ASZ1: variants seen among roughly 807,000 people sequenced by gnomAD.
ASZ1 encodes ankyrin repeat, SAM and basic leucine zipper domain containing 1.
In ASZ1, 67 loss-of-function variants were observed where a neutral mutation model predicts 61.8. The observed-to-expected ratio is 1.08, with a 90% CI of 0.89 to 1.33. The LOEUF (loss-of-function observed/expected upper bound fraction) is 1.33. Ranked by LOEUF, ASZ1 falls within the 40% of genes most tolerant of loss-of-function variation. The pLI is 0.00. For synonymous variants in ASZ1, 193 were observed against 192.7 expected, an observed-to-expected ratio of 1.00 and a Z score of -0.01; for missense variants, 577 against 554.5, an observed-to-expected ratio of 1.04 and a Z score of -0.41.
At chr7:117,385,041 G>A (rs6953663) in intron 5 of ASZ1, among the ~76,000 whole-genome samples, 181 bp from the exon 6 acceptor site, 3,460 of 152,182 alleles carry the variant, frequency 0.023, 129 homozygotes, top group African/African-American at 0.079. Context: ...TAATTGCAAA[G>A]CTGACTGCAA....
At chr7:117,412,607 C>T (rs552796578) in intron 4 of ASZ1, among the ~76,000 whole-genome samples, 13 of 151,912 alleles carry the variant, frequency 8.6e-5, no homozygotes, top group Non-Finnish European at 1.3e-4. Flanking sequence ...ACAATGACTA[C>T]GTCAAAACCT....
At chr7:117,415,737 T>C (rs933405628) in intron 4 of ASZ1, among the ~76,000 whole-genome samples, 1 of 151,646 alleles carries the variant, frequency 6.6e-6, no homozygotes, top group African/African-American at 2.4e-5. Context: ...AATTAAAGAA[T>C]GAAAACTGAA....
chr7:117,422,602 T>C (rs1309898300), intron 2 of ASZ1, among the ~76,000 whole-genome samples: 1 of 152,236 alleles, frequency 6.6e-6, no homozygotes, highest in Admixed American at 6.5e-5. Context: ...TTTTATCATA[T>C]ATGTAACTGA....
At chr7:117,382,947 C>T in intron 7 of ASZ1, 39 bp downstream of exon 7, 1 of 1,474,952 alleles carries the variant, frequency 6.8e-7, no homozygotes, top group Non-Finnish European at 9.0e-7. Context: ...ACAAATTTTA[C>T]TTATAGGTAT....
intron 4 of ASZ1, among the ~76,000 whole-genome samples, chr7:117,417,929 G>A (rs1226471547): frequency 2.0e-5 from 3 of 152,166 alleles, no homozygotes; most frequent in South Asian, 2.1e-4. Context: ...GCCTTATAGT[G>A]TCATTGCCTT....
In ASZ1 at chr7:117,385,710, C is replaced by A. The variant is rs770212168; in HGVS notation, c.540G>T (p.Glu180Asp). The A allele has an allele frequency of 1.7e-5, 27 of 1,604,984 alleles. No homozygotes were observed. In the East Asian group the frequency reaches 4.7e-4, roughly 28 times the overall value. Reference protein sequence around the residue: ...AHGAEVNTQDENGYTALTWAA... With the variant: ...AHGAEVNTQDDNGYTALTWAA... ...AAATGTTTCTCACAGTGTAACCATTCTCATCCTGGGTATTAACTTCTGCTC... is the reference window on the plus strand; with the variant it reads ...AAATGTTTCTCACAGTGTAACCATTATCATCCTGGGTATTAACTTCTGCTC... The change falls in exon 5 of 13, where the codon GAG becomes GAT. Residue 180 changes from glutamate (E) to aspartate (D), a missense_variant. Coordinates refer to ENST00000284629, the MANE Select transcript of ASZ1 (RefSeq NM_130768.3).
intron 4 of ASZ1, among the ~76,000 whole-genome samples, chr7:117,390,695 T>G (rs528998324): frequency 6.6e-6 from 1 of 152,184 alleles, no homozygotes; most frequent in African/African-American, 2.4e-5. Flanking sequence ...ACCAACATGT[T>G]ATTTTTTGAC....
chr7:117,426,488 C>CAAAAAAAAAA (rs10625452), intron 2 of ASZ1, among the ~76,000 whole-genome samples: 23 of 33,998 alleles, frequency 6.8e-4, no homozygotes, highest in Admixed American at 1.2e-3. Context: ...GATAACATCT[C>CAAAAAAAAAA]AAAAAAAAAA....
At chr7:117,399,747 T>C (rs1442555967) in intron 4 of ASZ1, among the ~76,000 whole-genome samples, 2 of 152,118 alleles carry the variant, frequency 1.3e-5, no homozygotes, top group African/African-American at 4.8e-5. Context: ...TTAAGTTTCT[T>C]TGGGGAATGA....
chr7:117,401,883 G>A (rs1796688691), intron 4 of ASZ1, among the ~76,000 whole-genome samples: 2 of 151,990 alleles, frequency 1.3e-5, no homozygotes, highest in South Asian at 4.2e-4. Flanking sequence ...TAGACCATAC[G>A]GCCGTTCTTA....
intron 4 of ASZ1, among the ~76,000 whole-genome samples, chr7:117,394,259 C>T (rs546510968): frequency 6.6e-6 from 1 of 152,224 alleles, no homozygotes; most frequent in South Asian, 2.1e-4. Context: ...TATGCACCAC[C>T]ATGCCTGGCT....
intron 4 of ASZ1, among the ~76,000 whole-genome samples, chr7:117,403,481 A>T (rs1796718553): frequency 6.6e-6 from 1 of 152,018 alleles, no homozygotes; most frequent in Non-Finnish European, 1.5e-5. Context: ...TGTTACCGTG[A>T]TTATGTTTTG....
At position 117,391,792 on chromosome 7, in the gene ASZ1, AT is replaced by A. The variant is rs1006245841; in HGVS notation, c.441-5984del. On this transcript the variant is annotated intron_variant, in intron 4 of 12. Transcript: ENST00000284629. Reference sequence around the variant, plus strand: ...TGTTCAGGTTCTTTTTTGGTTTCATATTTTTTTTTCTTATTTTTTGAGACAG... The same window carrying A: ...TGTTCAGGTTCTTTTTTGGTTTCATATTTTTTTTCTTATTTTTTGAGACAG... Among the ~76,000 whole-genome samples, 923 of 150,020 alleles carry A rather than the reference AT, an allele frequency of 6.2e-3. 11 individuals carry two copies. The highest frequency in any genetic ancestry group is 0.022 in the African/African-American group (886 of 40,856).
At chr7:117,406,429 A>T (rs1044125941) in intron 4 of ASZ1, among the ~76,000 whole-genome samples, 1 of 152,166 alleles carries the variant, frequency 6.6e-6, no homozygotes, top group African/African-American at 2.4e-5. Flanking sequence ...TGGTAATAAT[A>T]ACATAATTGA....
At chr7:117,406,456 C>T (rs1172491736) in intron 4 of ASZ1, among the ~76,000 whole-genome samples, 1 of 152,012 alleles carries the variant, frequency 6.6e-6, no homozygotes, top group Non-Finnish European at 1.5e-5. Flanking sequence ...TACTAAAATG[C>T]TAATAATAAA....
chr7:117,372,249 TC>T (rs749147699), intron 10 of ASZ1, among the ~76,000 whole-genome samples: 29 of 152,158 alleles, frequency 1.9e-4, no homozygotes, highest in Admixed American at 5.2e-4. Context: ...CTAGTACCAG[TC>T]CCCCGATCCC....
chr7:117,425,296 C>T (rs13233771), intron 2 of ASZ1, among the ~76,000 whole-genome samples: 1,605 of 108,604 alleles, frequency 0.015, 16 homozygotes, highest in Non-Finnish European at 0.02. Context: ...GACGGAGTCT[C>T]GCTTTGTCGC....
intron 1 of ASZ1, 99 bp downstream of exon 1, chr7:117,427,257 C>G (rs1440691368): frequency 7.7e-7 from 1 of 1,303,232 alleles, no homozygotes; most frequent in African/African-American, 1.5e-5. Flanking sequence ...AAGGGAAATA[C>G]ACGTGAGGGA....
chr7:117,412,241 A>G (rs576237970), intron 4 of ASZ1, among the ~76,000 whole-genome samples: 2 of 151,880 alleles, frequency 1.3e-5, no homozygotes, highest in African/African-American at 4.8e-5. Flanking sequence ...TATTATTTTA[A>G]TATCTTATGA....
Sources: gnomAD v4.1 joint callset for allele counts (sites outside exome capture counted in the v4.1 genomes callset) on GRCh38, gnomAD v4.1.1 for gene constraint, MANE v1.5 for transcripts, NCBI Gene and HGNC (gene_info 2026-07-23, HGNC 2026-07-21) for gene names.